The following TRMT2B variants were observed in gnomAD, a reference collection of about 807,000 sequenced individuals.
TRMT2B encodes the protein tRNA methyltransferase 2B.
A neutral mutation model predicts 39.7 loss-of-function variants in TRMT2B; 34 were observed. That is an observed-to-expected ratio of 0.86 (90% CI 0.65 to 1.14). TRMT2B has a LOEUF of 1.14. Among genes scored for constraint, TRMT2B ranks in the 50% most tolerant of loss-of-function variants. The pLI, the probability that TRMT2B is intolerant of heterozygous loss-of-function variation, is 0.00. For missense variants in TRMT2B, 318 were observed against 377.2 expected, an observed-to-expected ratio of 0.84 and a Z score of 1.30; for synonymous variants, 132 against 137.3, an observed-to-expected ratio of 0.96 and a Z score of 0.27.
intron 2 of TRMT2B, among the ~76,000 whole-genome samples, chrX:101,048,926 A>G (rs1015917377): frequency 6.2e-5 from 7 of 112,239 alleles, no homozygotes; most frequent in Non-Finnish European, 1.3e-4. Flanking sequence ...ACTGTGCTTA[A>G]GACAGCCAGT....
chrX:101,004,298 CA>C, the TRMT2B span, among the ~76,000 whole-genome samples: 6 of 108,822 alleles, frequency 5.5e-5, no homozygotes, highest in African/African-American at 1.3e-4. Context: ...AACAAACCCT[CA>C]AAAAAATGTT....
the TRMT2B span, among the ~76,000 whole-genome samples, chrX:100,991,250 T>C: frequency 8.9e-6 from 1 of 112,065 alleles, no homozygotes; most frequent in African/African-American, 3.2e-5. Flanking sequence ...CAAAAGTTTC[T>C]AATTTTAGAA....
intron 8 of TRMT2B, among the ~76,000 whole-genome samples, chrX:101,022,697 T>C (rs111607708): frequency 3.0e-3 from 336 of 110,173 alleles, no homozygotes; most frequent in Non-Finnish European, 4.6e-3. Flanking sequence ...CTTGAGAGGC[T>C]GAGGTGGGAA....
intron 6 of TRMT2B, among the ~76,000 whole-genome samples, chrX:101,036,375 G>A (rs1490512488): frequency 9.7e-6 from 1 of 103,537 alleles, no homozygotes; most frequent in African/African-American, 3.6e-5. Flanking sequence ...AACTCGGGAG[G>A]CGGAGGTTGC....
At chrX:100,990,353 A>G in the TRMT2B span, 1 of 931,497 alleles carries the variant, frequency 1.1e-6, no homozygotes, top group Non-Finnish European at 1.3e-6. Context: ...AAAAGAAAGT[A>G]ACAGAGAAAG....
chrX:101,039,530 A>AT (rs1206685544), intron 4 of TRMT2B, among the ~76,000 whole-genome samples: 3 of 112,323 alleles, frequency 2.7e-5, no homozygotes, highest in Non-Finnish European at 5.6e-5. Context: ...AACTTTATCA[A>AT]TAACACCCAC....
the TRMT2B span, chrX:100,973,838 T>A: frequency 1.0e-6 from 1 of 956,145 alleles, no homozygotes; most frequent in Non-Finnish European, 1.5e-6. Flanking sequence ...CTTCATAATA[T>A]ATATTGTTAG....
chrX:101,030,002 G>A (rs1366274137), intron 7 of TRMT2B, among the ~76,000 whole-genome samples: 3 of 111,795 alleles, frequency 2.7e-5, no homozygotes, highest in Non-Finnish European at 5.6e-5. Context: ...GCTCACACTT[G>A]TAATCCCATC....
downstream of TRMT2B, among the ~76,000 whole-genome samples, chrX:101,005,510 C>A (rs1394841643): frequency 9.1e-6 from 1 of 110,490 alleles, no homozygotes; most frequent in Non-Finnish European, 1.9e-5. Context: ...CAGTGCTACC[C>A]TGCCAGTCCA....
chrX:101,019,406 A>G lies in TRMT2B; in HGVS notation c.1169-3T>C. 8.3e-7 allele frequency: 1 copy of G among 1,210,898 alleles called. No individual in the cohort carries two copies. Among genetic ancestry groups the G allele is most frequent in the East Asian group, 3.0e-5 (1 of 33,793 alleles). On this transcript the variant is annotated splice_region_variant and splice_polypyrimidine_tract_variant and intron_variant, in intron 11 of 13. Coordinates refer to ENST00000372936, the MANE Select transcript of TRMT2B (RefSeq NM_024917.6). ...ATGAAATTCAGAGTTGGTGATGCCT[A>G]TGGAAGACAGGCCCACAGGACATAA...
chrX:100,973,997 C>T, the TRMT2B span: 1 of 586,407 alleles, frequency 1.7e-6, no homozygotes. Context: ...TTTGGCTGGG[C>T]CTTTTATGGT....
intron 7 of TRMT2B, among the ~76,000 whole-genome samples, chrX:101,033,582 G>A (rs1302155211): frequency 5.5e-5 from 6 of 109,764 alleles, no homozygotes; most frequent in African/African-American, 1.7e-4. Flanking sequence ...GCGACAGAGC[G>A]AGACTCCATA....
downstream of TRMT2B, among the ~76,000 whole-genome samples, chrX:101,006,161 C>T (rs968143944): frequency 6.4e-5 from 7 of 109,886 alleles, no homozygotes; most frequent in African/African-American, 2.0e-4. Context: ...GGCGGAGAGG[C>T]GGAAGTTGCA....
chrX:101,042,153 G>A lies in TRMT2B; in HGVS notation c.137C>T (p.Thr46Ile). 1 of 1,211,932 alleles carries A rather than the reference G, an allele frequency of 8.3e-7. No individual in the cohort carries two copies. Among genetic ancestry groups the A allele is most frequent in the South Asian group, 1.8e-5 (1 of 57,013 alleles). The change falls in exon 3 of 14, where the codon ACA (threonine) becomes ATA (isoleucine). Residue 46 changes from threonine (T) to isoleucine (I), a missense_variant. Transcript: ENST00000372936. Reference sequence around the variant, plus strand: ...ACGGGTGAAATCTCCCTTACATACTGTGCCCAGAAAGAGCTGTGACCATCC... The same window carrying A: ...ACGGGTGAAATCTCCCTTACATACTATGCCCAGAAAGAGCTGTGACCATCC... ...PPGWSQLFLG[T>I]VCKGDFTRVI...
chrX:101,035,816 C>CT, intron 6 of TRMT2B, 133 bp from the exon 7 acceptor site: 1 of 487,954 alleles, frequency 2.0e-6, no homozygotes, highest in African/African-American at 2.4e-5. Flanking sequence ...CTCATGGCCA[C>CT]TTTTCAGAGA....
At chrX:101,024,926 G>A (rs1190112210) in intron 7 of TRMT2B, among the ~76,000 whole-genome samples, 1 of 108,884 alleles carries the variant, frequency 9.2e-6, no homozygotes, top group Non-Finnish European at 1.9e-5. Context: ...GAGCCCAGGT[G>A]GTCAAGGCTG....
At position 101,020,489 on chromosome X, in the gene TRMT2B, T is replaced by C. The variant is rs774625269; in HGVS notation, c.1166A>G (p.Asn389Ser). The C allele has an allele frequency of 1.3e-5, 15 of 1,195,100 alleles. No individual in the cohort carries two copies. The highest frequency in any genetic ancestry group is 3.5e-5 in the African/African-American group (2 of 56,822). ...TACACAGACTGTAAGCTGTGTACCA[T>C]TGAAGGCTGCAGTCCATCTTGCATC... ...VEDARWTAAF[N>S]GITNSEFHTG... is the part of the protein sequence containing the mutation. The change falls in exon 11 of 14, where the codon AAT becomes AGT. Residue 389 changes from asparagine to serine, a missense_variant and splice_region_variant. Asn to Ser is a conservative substitution (Grantham distance 46, BLOSUM62 1). Transcript: ENST00000372936.
intron 2 of TRMT2B, among the ~76,000 whole-genome samples, chrX:101,043,267 C>CA (rs34679171): frequency 0.15 from 14,906 of 101,684 alleles, 1,066 homozygotes; most frequent in Non-Finnish European, 0.2. Flanking sequence ...AACTCTGTCT[C>CA]AAAAAAAAAA....
intron 7 of TRMT2B, among the ~76,000 whole-genome samples, chrX:101,025,845 G>A (rs1442946955): frequency 9.0e-6 from 1 of 110,748 alleles, no homozygotes; most frequent in Non-Finnish European, 1.9e-5. Context: ...TGTAATCCCA[G>A]CTACTTGGGA....
Sources: gnomAD v4.1 joint callset for allele counts (sites outside exome capture counted in the v4.1 genomes callset) on GRCh38, gnomAD v4.1.1 for gene constraint, MANE v1.5 for transcripts, NCBI Gene and HGNC (gene_info 2026-07-23, HGNC 2026-07-21) for gene names.